TOP1MT: variants seen among roughly 807,000 people sequenced by gnomAD.
TOP1MT encodes DNA topoisomerase I mitochondrial, also known as DNA topoisomerase I, mitochondrial.
TOP1MT carries 80 observed loss-of-function variants against 73.9 expected under a neutral mutation model. The observed-to-expected ratio is 1.08, with a 90% CI of 0.90 to 1.30. The LOEUF is 1.30. TOP1MT is among the 50% of genes most tolerant of loss of function. The probability of loss-of-function intolerance (pLI) is 0.00; values close to 1 mark genes in which losing one functional copy is unlikely to be tolerated. For synonymous variants in TOP1MT, 338 were observed against 326.4 expected (o/e 1.04, Z -0.38); for missense variants, 815 against 808.0 (o/e 1.01, Z -0.10).
In TOP1MT at chr8:143,324,079, G is replaced by C; in HGVS notation, c.880C>G (p.Arg294Gly). The change falls in exon 7 of 14, where the codon CGC becomes GGC. Residue 294 changes from arginine (R) to glycine (G), a missense_variant. By Grantham distance (125) the Arg-to-Gly change is moderately radical. Transcript: ENST00000329245. Reference protein sequence around the residue: ...RRLRGFVDEIRSQYRADWKSR... With the variant: ...RRLRGFVDEIGSQYRADWKSR... ...TTCCAGTCAGCCCGGTACTGGGAGC[G>C]GATCTCGTCCACAAATCCCCGCAGG... 2 of 1,613,878 alleles carry C rather than the reference G, an allele frequency of 1.2e-6. No homozygotes were observed. The highest frequency in any genetic ancestry group is 1.6e-4 in the Middle Eastern group (1 of 6,062).
chr8:143,309,712 C>G, intron 13 of TOP1MT, 169 bp from the exon 14 acceptor site: 1 of 1,523,916 alleles, frequency 6.6e-7, no homozygotes, highest in Non-Finnish European at 8.8e-7. Flanking sequence ...CATGCCGCCA[C>G]CCTGGAGCAT....
rs1322695133 is a variant in TOP1MT, at chr8:143,323,743, ACACATGCACGCCC to A, written c.960+243_960+255del. On this transcript the variant is annotated intron_variant, in intron 7 of 13. Transcript: ENST00000329245. ...CACGCCACACACACATGCACGCCAC[ACACATGCACGCCC>A]CACACAGACATGCCACACACAGGCA... Among the ~76,000 whole-genome samples the A allele has an allele frequency of 1.9e-4, 9 of 48,014 alleles. 2 individuals carry two copies. The Admixed American group carries it at 2.4e-3, about 13-fold the overall frequency. 31.5% of individuals were successfully genotyped at this position (48,014 alleles called of 152,430 possible).
At chr8:143,358,612 C>G (rs1354185662), upstream of TOP1MT, 1 of 152,274 alleles carries the variant, frequency 6.6e-6, no homozygotes, top group Non-Finnish European at 1.5e-5. Flanking sequence ...CTGGCAACTG[C>G]TTCAAATTGG....
rs200895222 is a variant in TOP1MT, at chr8:143,322,226, G to A, written c.961-840C>T. 4.1e-4 allele frequency among the ~76,000 whole-genome samples: 17 copies of A among 41,704 alleles called. 1 individual carries two copies. The highest frequency in any genetic ancestry group is 9.4e-4 in the Admixed American group (2 of 2,122). The allele number at this position is 41,704 out of a possible 152,430, so 27.4% of individuals were successfully genotyped here. On this transcript the variant is annotated intron_variant, in intron 7 of 13. Transcript: ENST00000329245. ...ACACAGGCACGCCACACACAGGCACGCCACACACATGCATGCCACACACGC... is the reference window on the plus strand; with the variant it reads ...ACACAGGCACGCCACACACAGGCACACCACACACATGCATGCCACACACGC...
chr8:143,321,630 A>ACGCACGCACGC (rs1328074677), intron 7 of TOP1MT, among the ~76,000 whole-genome samples: 12 of 38,148 alleles, frequency 3.1e-4, no homozygotes, highest in Admixed American at 1.8e-3. Flanking sequence ...CGCACGCCAC[A>ACGCACGCACGC]CACAGGCACG....
intron 8 of TOP1MT, among the ~76,000 whole-genome samples, chr8:143,319,689 C>T (rs1816275281): frequency 6.6e-6 from 1 of 151,594 alleles, no homozygotes; most frequent in South Asian, 2.1e-4. Flanking sequence ...GCTGGTGGAG[C>T]TAGGGGCTGT....
intron 3 of TOP1MT, among the ~76,000 whole-genome samples, chr8:143,328,741 G>C (rs1216019921): frequency 1.3e-5 from 2 of 152,266 alleles, no homozygotes; most frequent in Non-Finnish European, 2.9e-5. Context: ...ATGAGTCACG[G>C]AACAGAGGAA....
At position 143,315,699 on chromosome 8, in the gene TOP1MT, G is replaced by C. The variant is rs1415091472; in HGVS notation, c.1553+28C>G. The C allele has an allele frequency of 2.5e-6, 4 of 1,596,138 alleles. No individual in the cohort carries two copies. In the South Asian group the frequency reaches 4.4e-5, roughly 18 times the overall value. On this transcript the variant is annotated intron_variant, in intron 12 of 13. Coordinates refer to ENST00000329245, the MANE Select transcript of TOP1MT (RefSeq NM_052963.3). ...TACGGGTTGGGACAGGGCCCCGGGA[G>C]AAGGCGTCTGAGGGCACGGGTACTC...
intron 7 of TOP1MT, among the ~76,000 whole-genome samples, 158 bp from the exon 8 acceptor site, chr8:143,321,544 CCACACACGCACGCCACA>C (rs1179361314): frequency 0.061 from 6,850 of 111,560 alleles, 415 homozygotes; most frequent in Non-Finnish European, 0.085. Context: ...CACACGCACG[CCACACACGCACGCCACA>C]CACACGCACG....
chr8:143,325,115 G>A (rs1176740187), intron 5 of TOP1MT, among the ~76,000 whole-genome samples: 2 of 152,220 alleles, frequency 1.3e-5, no homozygotes, highest in African/African-American at 2.4e-5. Flanking sequence ...TGTCCTTGGC[G>A]GGAGAAAGTC....
chr8:143,356,863 G>A (rs1455605661), upstream of TOP1MT, among the ~76,000 whole-genome samples: 1 of 151,400 alleles, frequency 6.6e-6, no homozygotes, highest in Non-Finnish European at 1.5e-5. Context: ...GGAGGCCGAG[G>A]AGGGTGGATC....
chr8:143,348,478 A>C (rs1817265396), upstream of TOP1MT, among the ~76,000 whole-genome samples: 1 of 151,982 alleles, frequency 6.6e-6, no homozygotes. The surrounding 1 kb of genome is among the most constrained non-coding windows in gnomAD (Gnocchi z 4.6). Flanking sequence ...CTCCCCCACA[A>C]GCCCAGCTGT....
upstream of TOP1MT, chr8:143,359,915 A>C (rs948346487): frequency 6.6e-6 from 1 of 152,304 alleles, no homozygotes; most frequent in Non-Finnish European, 1.5e-5. Context: ...GTCCCACCGC[A>C]CCACGGCTCC....
At chr8:143,331,489 G>A (rs1816854260) in intron 1 of TOP1MT, 150 bp from the exon 2 acceptor site, 1 of 595,684 alleles carries the variant, frequency 1.7e-6, no homozygotes, top group South Asian at 2.4e-5. Context: ...CCTGCAGAGG[G>A]AGGCAACCCT....
chr8:143,348,953 G>A (rs1817275927), upstream of TOP1MT, among the ~76,000 whole-genome samples: 1 of 152,144 alleles, frequency 6.6e-6, no homozygotes, highest in South Asian at 2.1e-4. The surrounding 1 kb of genome is among the most constrained non-coding windows in gnomAD (Gnocchi z 4.6). Context: ...CTACAGAACT[G>A]TGAGCTATGA....
At chr8:143,359,143 T>C, upstream of TOP1MT, 1 of 872,664 alleles carries the variant, frequency 1.1e-6, no homozygotes. Flanking sequence ...CACCGGCCCT[T>C]AAGTAGACTA....
chr8:143,314,143 A>C (rs913341039), intron 12 of TOP1MT, among the ~76,000 whole-genome samples: 16 of 152,078 alleles, frequency 1.1e-4, no homozygotes, highest in African/African-American at 3.1e-4. Context: ...GCTGGTGGGG[A>C]GGGGATGGTG....
chr8:143,340,734 G>A (rs1224347496), intron 2 of TOP1MT, among the ~76,000 whole-genome samples: 3 of 152,116 alleles, frequency 2.0e-5, no homozygotes, highest in Non-Finnish European at 4.4e-5. Flanking sequence ...TTTGGTTTTC[G>A]AGTCCCCTCT....
At chr8:143,334,908 G>T, upstream of TOP1MT, 1 of 1,359,256 alleles carries the variant, frequency 7.4e-7, no homozygotes. Flanking sequence ...CGCCCCAGCG[G>T]CCAGCCCCGC....
Sources: allele counts gnomAD v4.1 joint callset (sites outside exome capture counted in the v4.1 genomes callset), GRCh38; gene constraint gnomAD v4.1.1; non-coding constraint Gnocchi (gnomAD v3.1); transcripts MANE v1.5; gene names NCBI Gene and HGNC (gene_info 2026-07-23, HGNC 2026-07-21).